CD244: variants seen among roughly 807,000 people sequenced by gnomAD.
The protein encoded by CD244 is natural killer cell receptor 2B4.
CD244 carries 20 observed loss-of-function variants against 45.5 expected under a neutral mutation model. The ratio of observed to expected loss-of-function variants is 0.44; its 90% confidence interval spans 0.31 to 0.64. The LOEUF (loss-of-function observed/expected upper bound fraction) is 0.64. CD244 is among the 30% of genes least tolerant of loss of function. CD244 has a pLI of 0.08. For missense variants in CD244, 407 were observed against 426.9 expected, an observed-to-expected ratio of 0.95 and a Z score of 0.41; for synonymous variants, 185 against 160.5, an observed-to-expected ratio of 1.15 and a Z score of -1.15.
intron 1 of CD244, among the ~76,000 whole-genome samples, chr1:160,858,525 A>C (rs1162413457): frequency 6.6e-6 from 1 of 152,190 alleles, no homozygotes; most frequent in Non-Finnish European, 1.5e-5. Context: ...TTTGGGTCTA[A>C]AATGAATTTT....
Position 160,841,884 on chromosome 1 carries a change from C to T in CD244, c.79G>A (p.Asp27Asn). The change falls in exon 2 of 9, where the codon GAC (aspartate) becomes AAC (asparagine). Residue 27 changes from aspartate (D) to asparagine (N), a missense_variant. By Grantham distance (23) the Asp-to-Asn change is conservative (BLOSUM62 1). Transcript: ENST00000368034. ...ACTCCCGAGATGCTAACCACATGGT[C>T]AGCTGATCCCTGGCATCCTAGGAAA... ...YQGKGCQGSADHVVSISGVPL... is the reference protein window; with the variant it reads ...YQGKGCQGSANHVVSISGVPL... The T allele has an allele frequency of 1.9e-6, 3 of 1,613,684 alleles. No homozygotes were observed. Among genetic ancestry groups the T allele is most frequent in the Non-Finnish European group, 2.5e-6 (3 of 1,179,678 alleles).
intron 5 of CD244, among the ~76,000 whole-genome samples, chr1:160,837,045 C>T (rs928202571): frequency 2.0e-5 from 3 of 152,140 alleles, no homozygotes; most frequent in African/African-American, 2.4e-5. Context: ...TTTTCTCTCC[C>T]GTCCAGACCC....
intron 1 of CD244, 95 bp from the exon 2 acceptor site, chr1:160,841,996 G>T: frequency 1.0e-6 from 1 of 991,780 alleles, no homozygotes; most frequent in Non-Finnish European, 1.5e-6. Context: ...CCAATTGGGT[G>T]GGGATGAGTA....
At chr1:160,852,865 G>GA (rs900296534) in intron 1 of CD244, among the ~76,000 whole-genome samples, 1 of 151,478 alleles carries the variant, frequency 6.6e-6, no homozygotes, top group African/African-American at 2.4e-5. Context: ...TCAAAAAAAA[G>GA]AAAAAAAATT....
At position 160,832,564 on chromosome 1, in the gene CD244, C is replaced by T. The variant is rs1454433417; in HGVS notation, c.972G>A (p.Arg324=). 1 of 1,612,482 alleles carries T rather than the reference C, an allele frequency of 6.2e-7. No individual in the cohort carries two copies. Among genetic ancestry groups the T allele is most frequent in the South Asian group, 1.1e-5 (1 of 90,952 alleles). ...TGAAGGAAGGGCTGTGGTTCCTCTT[C>T]CTGGATCCAGACTAGAAATTCAGAA... is the stretch of plus-strand genomic sequence containing the variant. ...LIQPSRKSGS[R]KRNHSPSFNS... The change falls in exon 8 of 9, where the codon AGG becomes AGA. Residue 324 remains arginine (R), a synonymous_variant. Coordinates refer to ENST00000368034, the MANE Select transcript of CD244 (RefSeq NM_016382.4).
At position 160,840,263 on chromosome 1, in the gene CD244, C is replaced by T. The variant is rs534593698; in HGVS notation, c.655+947G>A. Among the ~76,000 whole-genome samples the T allele has an allele frequency of 9.2e-5, 14 of 151,702 alleles. No homozygotes were observed. In the South Asian group the frequency reaches 2.7e-3, roughly 29 times the overall value. Reference sequence around the variant, plus strand: ...GGATTACATGTGTGAGCCACCACACCTGACCTCTAAGAGATCACAGAGCTT... The same window carrying T: ...GGATTACATGTGTGAGCCACCACACTTGACCTCTAAGAGATCACAGAGCTT... On this transcript the variant is annotated intron_variant, in intron 3 of 8. Transcript: ENST00000368034.
intron 6 of CD244, among the ~76,000 whole-genome samples, chr1:160,835,859 C>G (rs1223536622): frequency 6.6e-6 from 1 of 152,102 alleles, no homozygotes; most frequent in East Asian, 1.9e-4. Context: ...ATAAAAAGTG[C>G]AAGGGCCCCA....
At position 160,832,510 on chromosome 1, in the gene CD244, G is replaced by T; in HGVS notation, c.1017+9C>A. On this transcript the variant is annotated intron_variant, in intron 8 of 8. Transcript: ENST00000368034. Reference sequence around the variant, plus strand: ...ACAGTAAACCCATTGAGGAGTTCCAGAATCTTACCACTTCATAGATAGTGC... The same window carrying T: ...ACAGTAAACCCATTGAGGAGTTCCATAATCTTACCACTTCATAGATAGTGC... 2 of 1,575,544 alleles carry T rather than the reference G, an allele frequency of 1.3e-6. No individual in the cohort carries two copies. The highest frequency in any genetic ancestry group is 1.7e-6 in the Non-Finnish European group (2 of 1,153,010).
chr1:160,848,340 A>C, intron 1 of CD244: 1 of 592,928 alleles, frequency 1.7e-6, no homozygotes, highest in African/African-American at 1.9e-5. Flanking sequence ...AATAGTTCCC[A>C]GTTTTTCATC....
At chr1:160,832,376 C>T in intron 8 of CD244, 143 bp downstream of exon 8, 1 of 616,788 alleles carries the variant, frequency 1.6e-6, no homozygotes. Context: ...ATCTCTAAAA[C>T]AAAGACTTGC....
chr1:160,838,528 G>C lies in CD244; in HGVS notation c.767-10C>G. The C allele has an allele frequency of 6.2e-7, 1 of 1,604,430 alleles. No individual in the cohort carries two copies. Among genetic ancestry groups the C allele is most frequent in the East Asian group, 2.2e-5 (1 of 44,818 alleles). On this transcript the variant is annotated splice_polypyrimidine_tract_variant and intron_variant, in intron 4 of 8. Coordinates refer to ENST00000368034, the MANE Select transcript of CD244 (RefSeq NM_016382.4). ...TCCTTGGGACTGGTCTCTGAGGGAG[G>C]AAGAAAACAAAGAGCAGAGCTGCAG...
At chr1:160,857,533 G>A (rs986627901) in intron 1 of CD244, among the ~76,000 whole-genome samples, 3 of 152,176 alleles carry the variant, frequency 2.0e-5, no homozygotes, top group African/African-American at 7.2e-5. Flanking sequence ...ACACAAGAGT[G>A]CATACCGTTT....
intron 1 of CD244, among the ~76,000 whole-genome samples, chr1:160,861,574 T>C (rs1457025842): frequency 1.3e-5 from 2 of 152,150 alleles, no homozygotes; most frequent in Non-Finnish European, 2.9e-5. Flanking sequence ...CTCACACCTG[T>C]AATCCCAGCA....
At chr1:160,836,466 C>A (rs185794725) in intron 5 of CD244, among the ~76,000 whole-genome samples, 247 of 152,284 alleles carry the variant, frequency 1.6e-3, no homozygotes, top group African/African-American at 5.6e-3. Flanking sequence ...GAGCAAGGAA[C>A]CACCTAGGTG....
chr1:160,851,723 G>A (rs1448785276), intron 1 of CD244, among the ~76,000 whole-genome samples: 2 of 151,734 alleles, frequency 1.3e-5, no homozygotes, highest in Admixed American at 1.3e-4. Context: ...TTGCATTTTT[G>A]GTAGAGATAG....
intron 3 of CD244, among the ~76,000 whole-genome samples, chr1:160,840,089 G>T (rs1196733225): frequency 2.0e-5 from 3 of 151,876 alleles, no homozygotes; most frequent in Non-Finnish European, 4.4e-5. Context: ...AGAAAATTGA[G>T]GCTCAGAGAG....
chr1:160,832,425 T>G, intron 8 of CD244, 94 bp downstream of exon 8: 2 of 768,890 alleles, frequency 2.6e-6, no homozygotes, highest in Non-Finnish European at 4.4e-6. Flanking sequence ...TCTGAGACTG[T>G]GTGAATGATC....
At chr1:160,844,190 T>C (rs1669645156) in intron 1 of CD244, among the ~76,000 whole-genome samples, 5 of 152,216 alleles carry the variant, frequency 3.3e-5, no homozygotes, top group Admixed American at 3.3e-4. Context: ...ATTCCTAGAA[T>C]GTTTCATACA....
In CD244 at chr1:160,830,796, C is replaced by T. The variant is rs944867207; in HGVS notation, c.*551G>A. 2 of 153,500 alleles carry T rather than the reference C, an allele frequency of 1.3e-5. No homozygotes were observed. Among genetic ancestry groups the T allele is most frequent in the Non-Finnish European group, 2.9e-5 (2 of 68,900 alleles). The allele number at this position is 153,500 out of a possible 1,614,324, so 9.5% of individuals were successfully genotyped here. On this transcript the variant is annotated 3_prime_UTR_variant, in exon 9 of 9. Transcript: ENST00000368034. ...GAGATGCAGGGAGAAAGTTTTTTCT[C>T]TGCAATTGAGTAAAGCCCAGGCCCT...
Sources: gnomAD v4.1 joint callset for allele counts (sites outside exome capture counted in the v4.1 genomes callset) on GRCh38, gnomAD v4.1.1 for gene constraint, MANE v1.5 for transcripts, NCBI Gene and HGNC (gene_info 2026-07-23, HGNC 2026-07-21) for gene names.